IGFL2: variants seen among roughly 807,000 people sequenced by gnomAD.
IGFL2 encodes the protein IGF like family member 2.
IGFL2 carries 7 observed loss-of-function variants against 13.9 expected under a neutral mutation model. That is an observed-to-expected ratio of 0.51 (90% CI 0.29 to 0.95). The LOEUF (loss-of-function observed/expected upper bound fraction) is 0.95, where lower values mean the gene tolerates loss of function less well. Among genes scored for constraint, IGFL2 ranks in the 40% least tolerant of loss-of-function variants. IGFL2 has a pLI of 0.08. For missense variants in IGFL2, 138 were observed against 147.8 expected (o/e 0.93, Z 0.34); for synonymous variants, 55 against 55.8 (o/e 0.99, Z 0.07).
At chr19:46,091,678 T>G in the IGFL2 span, among the ~76,000 whole-genome samples, 1 of 152,214 alleles carries the variant, frequency 6.6e-6, no homozygotes, top group East Asian at 1.9e-4. Context: ...CTAATGTTTC[T>G]GATTTCTTAC....
chr19:46,212,932 C>G, the IGFL2 span: 1 of 152,218 alleles, frequency 6.6e-6, no homozygotes, highest in African/African-American at 2.4e-5. Flanking sequence ...CCCGCCAGCT[C>G]CACTCCCACC....
At chr19:46,194,598 G>A in the IGFL2 span, among the ~76,000 whole-genome samples, 1 of 152,028 alleles carries the variant, frequency 6.6e-6, no homozygotes, top group South Asian at 2.1e-4. Context: ...GGGGGAGGTG[G>A]GTCACTTGAG....
At chr19:46,154,696 G>T (rs546888509) in intron 1 of IGFL2, among the ~76,000 whole-genome samples, 13 of 151,970 alleles carry the variant, frequency 8.6e-5, no homozygotes, top group Non-Finnish European at 1.3e-4. Flanking sequence ...TCATCTGCCC[G>T]CCTCAGCCTC....
At chr19:46,178,871 G>A in the IGFL2 span, among the ~76,000 whole-genome samples, 126 of 152,294 alleles carry the variant, frequency 8.3e-4, 2 homozygotes, top group Middle Eastern at 0.017. Flanking sequence ...GCTGTAACCT[G>A]ACCAACTCAG....
the IGFL2 span, among the ~76,000 whole-genome samples, chr19:46,122,716 C>G: frequency 6.6e-6 from 1 of 150,914 alleles, no homozygotes; most frequent in African/African-American, 2.5e-5. Context: ...CCCCAAAAAA[C>G]TGCAATGGTT....
At chr19:46,194,852 AT>A in the IGFL2 span, among the ~76,000 whole-genome samples, 792 of 31,362 alleles carry the variant, frequency 0.025, 7 homozygotes, top group East Asian at 0.045. Flanking sequence ...ATATATATAT[AT>A]TTTTTTTTTT....
At chr19:46,144,480 T>G (rs1167433644), upstream of IGFL2, among the ~76,000 whole-genome samples, 1 of 152,186 alleles carries the variant, frequency 6.6e-6, no homozygotes, top group African/African-American at 2.4e-5. Flanking sequence ...ATACCATATC[T>G]CATATCATAT....
chr19:46,121,418 AAAG>A, the IGFL2 span, among the ~76,000 whole-genome samples: 1 of 149,508 alleles, frequency 6.7e-6, no homozygotes, highest in Non-Finnish European at 1.5e-5. Flanking sequence ...AAGAAGAAGA[AAAG>A]AAAATTTCTA....
the IGFL2 span, among the ~76,000 whole-genome samples, chr19:46,175,547 A>AT: frequency 4.1e-4 from 60 of 147,800 alleles, no homozygotes; most frequent in Admixed American, 1.8e-3. Context: ...ACTTTGTGCA[A>AT]TTTTTTTTTT....
chr19:46,134,203 C>A, the IGFL2 span, among the ~76,000 whole-genome samples: 1 of 152,098 alleles, frequency 6.6e-6, no homozygotes, highest in Non-Finnish European at 1.5e-5. Flanking sequence ...TCTCCTAAGA[C>A]CAGTTCTTGG....
intron 1 of IGFL2, among the ~76,000 whole-genome samples, chr19:46,155,909 G>T (rs1256638195): frequency 7.9e-5 from 12 of 152,118 alleles, no homozygotes. Context: ...ATCTGTTAGG[G>T]TAAGTCGTAT....
chr19:46,096,414 T>C, the IGFL2 span, among the ~76,000 whole-genome samples: 1 of 152,146 alleles, frequency 6.6e-6, no homozygotes, highest in Non-Finnish European at 1.5e-5. Context: ...CTTAAGGAGC[T>C]TTTGGGCTGA....
the IGFL2 span, chr19:46,206,871 A>G: frequency 1.3e-5 from 2 of 152,164 alleles, no homozygotes; most frequent in Admixed American, 1.3e-4. Flanking sequence ...TGCTTATCTC[A>G]TCCACCCATG....
chr19:46,109,596 G>A, the IGFL2 span, among the ~76,000 whole-genome samples: 3 of 152,156 alleles, frequency 2.0e-5, no homozygotes, highest in Non-Finnish European at 4.4e-5. Flanking sequence ...GATTACAGGC[G>A]TGAGACACCG....
At chr19:46,086,716 C>G in the IGFL2 span, among the ~76,000 whole-genome samples, 3 of 152,184 alleles carry the variant, frequency 2.0e-5, no homozygotes. Flanking sequence ...TGTGTTCTTA[C>G]GTTGATATCT....
At position 46,161,077 on chromosome 19, in the gene IGFL2, C is replaced by T. The variant is rs544005376; in HGVS notation, c.349C>T (p.Arg117Cys). 28 of 1,589,988 alleles carry T rather than the reference C, an allele frequency of 1.8e-5. No individual in the cohort carries two copies. Among genetic ancestry groups the T allele is most frequent in the East Asian group, 4.5e-5 (2 of 44,354 alleles). The stretch of plus-strand genomic sequence containing the variant: ...GTTTCTTTTTCTCTGTAGCAGAAGA[C>T]GTTTTCCCTGAGAAGACATAGAAAG... ...PISSKCESRR[R>C]FP The change falls in exon 4 of 4, where the codon CGT (arginine) becomes TGT (cysteine). Residue 117 changes from arginine to cysteine, a missense_variant. By Grantham distance (180) the Arg-to-Cys change is radical. Transcript: ENST00000377693.
chr19:46,200,519 T>TTC, the IGFL2 span, among the ~76,000 whole-genome samples: 3 of 146,750 alleles, frequency 2.0e-5, no homozygotes, highest in Admixed American at 6.9e-5. Flanking sequence ...CTCTTTTCTT[T>TTC]TCTTTTCTTT....
intron 1 of IGFL2, among the ~76,000 whole-genome samples, chr19:46,152,124 G>A (rs1973529932): frequency 6.6e-6 from 1 of 151,788 alleles, no homozygotes; most frequent in African/African-American, 2.4e-5. Context: ...TATTCTCTTT[G>A]GTACGTGGAA....
chr19:46,154,312 G>T (rs1382387911), intron 1 of IGFL2, among the ~76,000 whole-genome samples: 1 of 152,250 alleles, frequency 6.6e-6, no homozygotes, highest in African/African-American at 2.4e-5. Flanking sequence ...GCTGCTTAAT[G>T]TCTAACCCTT....
Sources: gnomAD v4.1 joint callset for allele counts (sites outside exome capture counted in the v4.1 genomes callset) on GRCh38, gnomAD v4.1.1 for gene constraint, MANE v1.5 for transcripts, NCBI Gene and HGNC (gene_info 2026-07-23, HGNC 2026-07-21) for gene names.